GATA2: variants seen among roughly 807,000 people sequenced by gnomAD.
GATA2 encodes the protein endothelial transcription factor GATA-2.
In GATA2, 6 loss-of-function variants were observed where a neutral mutation model predicts 35.7. The observed-to-expected ratio is 0.17, with a 90% CI of 0.09 to 0.33. The LOEUF is 0.33. Among genes scored for constraint, GATA2 ranks in the 10% least tolerant of loss-of-function variants. The pLI is 1.00. For missense variants in GATA2, 541 were observed against 656.6 expected (o/e 0.82, Z 1.92); for synonymous variants, 313 against 274.9 (o/e 1.14, Z -1.37).
At chr3:128,491,724 AG>A (rs997931309) in intron 1 of GATA2, among the ~76,000 whole-genome samples, 1 of 151,858 alleles carries the variant, frequency 6.6e-6, no homozygotes, top group African/African-American at 2.4e-5. Context: ...CCCACGTCCT[AG>A]GTGTCTCGGC....
chr3:128,479,908 C>T lies in GATA2; in HGVS notation c.*1111G>A, dbSNP rs887393686. ...GACCTGCCCCCAACTCCTGCCTTCA[C>T]CCCCTGCCAGGCCAGCAAATGCCAA... On this transcript the variant is annotated 3_prime_UTR_variant, in exon 6 of 6. Coordinates refer to ENST00000341105, the MANE Select transcript of GATA2 (RefSeq NM_032638.5). The T allele has an allele frequency of 2.1e-5, 5 of 232,594 alleles. No individual in the cohort carries two copies. The highest frequency in any genetic ancestry group is 4.2e-5 in the Non-Finnish European group (5 of 117,694). The allele number at this position is 232,594 out of a possible 1,614,324, so 14.4% of individuals were successfully genotyped here. A position where few individuals can be genotyped will look rare whatever the true frequency, so the allele number is the denominator to read the frequency against.
At chr3:128,487,550 A>C (rs1335985996) in intron 1 of GATA2, among the ~76,000 whole-genome samples, 2 of 152,158 alleles carry the variant, frequency 1.3e-5, no homozygotes, top group Admixed American at 6.5e-5. Context: ...ATGCACACGC[A>C]GCCCCCTGAG....
rs878855169 is a variant in GATA2, at chr3:128,481,052, G to A, written c.1410C>T (p.Pro470=). The A allele has an allele frequency of 1.3e-6, 2 of 1,595,004 alleles. No individual in the cohort carries two copies. Among genetic ancestry groups the A allele is most frequent in the Non-Finnish European group, 1.7e-6 (2 of 1,169,064 alleles). The change falls in exon 6 of 6, where the codon CCC becomes CCT. Residue 470 remains proline, a synonymous_variant. Coordinates refer to ENST00000341105, the MANE Select transcript of GATA2 (RefSeq NM_032638.5). ...HPSSSLSFGH[P]HPSSMVTAMG is the part of the protein sequence containing the mutation. ...TGGCGGTCACCATGCTGGACGGGTG[G>A]GGGTGGCCGAAGGAGAGGCTGGAGG...
At chr3:128,484,766 G>A (rs1237403156) in intron 3 of GATA2, among the ~76,000 whole-genome samples, 1 of 152,054 alleles carries the variant, frequency 6.6e-6, no homozygotes, top group African/African-American at 2.4e-5. Flanking sequence ...ACCCTGAGCC[G>A]GGGCTCAGCG....
chr3:128,486,777 C>T, intron 2 of GATA2, 26 bp downstream of exon 2: 1 of 1,576,674 alleles, frequency 6.3e-7, no homozygotes, highest in Non-Finnish European at 8.6e-7. Context: ...CGCCTGGGTT[C>T]TCATCACCAC....
At chr3:128,491,272 A>T (rs1343016845) in intron 1 of GATA2, among the ~76,000 whole-genome samples, 1 of 147,016 alleles carries the variant, frequency 6.8e-6, no homozygotes, top group Admixed American at 7.0e-5. Context: ...CTTTGGGACC[A>T]TAAGTTTGCC....
intron 5 of GATA2, among the ~76,000 whole-genome samples, 158 bp downstream of exon 5, chr3:128,481,661 G>A (rs1231567093): frequency 6.6e-6 from 1 of 152,074 alleles, no homozygotes; most frequent in Non-Finnish European, 1.5e-5. Flanking sequence ...GCAGAGGCAA[G>A]GCACCCCTCT....
chr3:128,491,273 T>G (rs1282594848), intron 1 of GATA2, among the ~76,000 whole-genome samples: 1 of 141,806 alleles, frequency 7.1e-6, no homozygotes, highest in Non-Finnish European at 1.5e-5. Flanking sequence ...TTTGGGACCA[T>G]AAGTTTGCCC....
At chr3:128,482,173 A>C (rs897798619) in intron 4 of GATA2, 11 of 591,484 alleles carry the variant, frequency 1.9e-5, no homozygotes, top group Admixed American at 6.1e-5. Context: ...TGTTAGAATC[A>C]ACGGGATTGC....
chr3:128,485,642 C>A, intron 3 of GATA2, 85 bp downstream of exon 3: 1 of 1,505,814 alleles, frequency 6.6e-7, no homozygotes, highest in Non-Finnish European at 9.0e-7. Context: ...GAAACCAACA[C>A]TGCCACCTCT....
At position 128,485,798 on chromosome 3, in the gene GATA2, G is replaced by C. The variant is rs886057930; in HGVS notation, c.800C>G (p.Pro267Arg). 2 of 1,614,044 alleles carry C rather than the reference G, an allele frequency of 1.2e-6. No homozygotes were observed. Among genetic ancestry groups the C allele is most frequent in the Non-Finnish European group, 1.7e-6 (2 of 1,179,958 alleles). The change falls in exon 3 of 6, where the codon CCC becomes CGC. Residue 267 changes from proline (P) to arginine (R), a missense_variant. Transcript: ENST00000341105. ...GGCCGGTCCCCCCAGGAAGCCTCCG[G>C]GGTGGAAGAGTCCGCTGCTGTAGTC... ...AHDYSSGLFH[P>R]GGFLGGPASS...
At chr3:128,491,208 G>A (rs2068762933) in intron 1 of GATA2, among the ~76,000 whole-genome samples, 1 of 107,390 alleles carries the variant, frequency 9.3e-6, no homozygotes, top group Non-Finnish European at 1.9e-5. Context: ...CGGCCGTCCA[G>A]CCCCCCCCCC....
At position 128,480,131 on chromosome 3, in the gene GATA2, T is replaced by G. The variant is rs2068605706; in HGVS notation, c.*888A>C. ...AAAAAGAGTTTAAAAATAAAACAAT[T>G]AACTCATCAGCGAGTTAAGCCTATG... On this transcript the variant is annotated 3_prime_UTR_variant, in exon 6 of 6. Coordinates refer to ENST00000341105, the MANE Select transcript of GATA2 (RefSeq NM_032638.5). 1 of 233,104 alleles carries G rather than the reference T, an allele frequency of 4.3e-6. No individual in the cohort carries two copies. The highest frequency in any genetic ancestry group is 5.6e-5 in the Admixed American group (1 of 17,768). 14.4% of individuals were successfully genotyped at this position (233,104 alleles called of 1,614,324 possible). A position where few individuals can be genotyped will look rare whatever the true frequency, so the allele number is the denominator to read the frequency against.
chr3:128,492,787 C>G (rs889714766), intron 1 of GATA2, 112 bp downstream of exon 1: 2 of 152,418 alleles, frequency 1.3e-5, no homozygotes, highest in Non-Finnish European at 1.5e-5. Flanking sequence ...CAAGGCGAGC[C>G]CCAAAGGTAG....
intron 2 of GATA2, 63 bp downstream of exon 2, chr3:128,486,740 T>C: frequency 1.4e-6 from 2 of 1,459,476 alleles, no homozygotes; most frequent in Non-Finnish European, 1.9e-6. Context: ...AGACGGGCCC[T>C]CCTCCCCTCC....
intron 4 of GATA2, 144 bp downstream of exon 4, chr3:128,483,716 C>T: frequency 8.6e-7 from 1 of 1,162,606 alleles, no homozygotes; most frequent in Non-Finnish European, 1.2e-6. Context: ...GAGAGACGAC[C>T]CCAACTGACA....
chr3:128,486,906 T>G lies in GATA2; in HGVS notation c.126A>C (p.Pro42=), dbSNP rs781124043. The G allele has an allele frequency of 6.2e-7, 1 of 1,612,898 alleles. No homozygotes were observed. The highest frequency in any genetic ancestry group is 1.7e-5 in the Admixed American group (1 of 59,916). Reference sequence around the variant, plus strand: ...GATTGAAGAAGACGTCCACCTCGTCTGGAGGCAGCAGCTGCGCGGGTTCCA... The same window carrying G: ...GATTGAAGAAGACGTCCACCTCGTCGGGAGGCAGCAGCTGCGCGGGTTCCA... ...NYMEPAQLLP[P]DEVDVFFNHL... The change falls in exon 2 of 6, where the codon CCA becomes CCC. Residue 42 remains proline (P), a synonymous_variant. Transcript: ENST00000341105.
Position 128,484,014 on chromosome 3 carries a change from G to T in GATA2, c.872-9C>A, listed in dbSNP as rs1462260680. 6.2e-7 allele frequency: 1 copy of T among 1,612,104 alleles called. No individual in the cohort carries two copies. Reference sequence around the variant, plus strand: ...GACACACTCCCGGCCTTCTGCAGGGGAACAGGGAGAGACACGGGGGCCTGC... The same window carrying T: ...GACACACTCCCGGCCTTCTGCAGGGTAACAGGGAGAGACACGGGGGCCTGC... On this transcript the variant is annotated splice_polypyrimidine_tract_variant and intron_variant, in intron 3 of 5. Transcript: ENST00000341105.
rs369014932 is a variant in GATA2 at position 128,488,812 on chromosome 3, G to T, written c.-45-1736C>A. ...CCCACTCACTTCTAGCCCGGAGATCGGCTCTATGGTTCGTGTGGGCCGGGC... is the reference window on the plus strand; with the variant it reads ...CCCACTCACTTCTAGCCCGGAGATCTGCTCTATGGTTCGTGTGGGCCGGGC... On this transcript the variant is annotated intron_variant, in intron 1 of 5. Coordinates refer to ENST00000341105, the MANE Select transcript of GATA2 (RefSeq NM_032638.5). This position sits in a 1 kb window ranked among gnomAD's most constrained non-coding sequence, Gnocchi z 5.8. Among the ~76,000 whole-genome samples, 1 of 152,196 alleles carries T rather than the reference G, an allele frequency of 6.6e-6. No individual in the cohort carries two copies. Among genetic ancestry groups the T allele is most frequent in the Non-Finnish European group, 1.5e-5 (1 of 68,022 alleles).
Sources: allele counts gnomAD v4.1 joint callset (sites outside exome capture counted in the v4.1 genomes callset), GRCh38; gene constraint gnomAD v4.1.1; non-coding constraint Gnocchi (gnomAD v3.1); transcripts MANE v1.5; gene names NCBI Gene and HGNC (gene_info 2026-07-23, HGNC 2026-07-21).